KDELR2: variants seen among roughly 807,000 people sequenced by gnomAD.
The protein encoded by KDELR2 is ER lumen protein-retaining receptor 2.
KDELR2 carries 15 observed loss-of-function variants against 23.9 expected under a neutral mutation model. That is an observed-to-expected ratio of 0.63 (90% confidence interval 0.42 to 0.97). KDELR2 has a LOEUF of 0.97. KDELR2 is among the 50% of genes least tolerant of loss of function. KDELR2 has a pLI of 0.00. For synonymous variants in KDELR2, 119 were observed against 106.2 expected (o/e 1.12, Z -0.74); for missense variants, 272 against 254.6 (o/e 1.07, Z -0.46).
At position 6,462,736 on chromosome 7, in the gene KDELR2, T is replaced by C. The variant is rs6796; in HGVS notation, c.*405A>G. ...TGCAAGTTTGAGGGATGGAAGAATA[T>C]ATAATCTATCAACTGTCAAGGAGTA... is the stretch of plus-strand genomic sequence containing the variant. On this transcript the variant is annotated 3_prime_UTR_variant, in exon 5 of 5. Transcript: ENST00000258739. 0.29 allele frequency: 119,718 copies of C among 408,678 alleles called. 18,346 individuals carry two copies. The highest frequency in any genetic ancestry group is 0.4 in the East Asian group (9,841 of 24,480). 25.3% of individuals were successfully genotyped at this position (408,678 alleles called of 1,614,324 possible).
chr7:6,462,703 T>C lies in KDELR2; in HGVS notation c.*438A>G, dbSNP rs1016076334. The C allele has an allele frequency of 3.1e-5, 10 of 327,314 alleles. No homozygotes were observed. Among genetic ancestry groups the C allele is most frequent in the Non-Finnish European group, 5.0e-5 (9 of 180,936 alleles). 20.3% of individuals were successfully genotyped at this position (327,314 alleles called of 1,614,324 possible). ...CTCATCTTTTGCCAAAAAATAAATA[T>C]AGTGGAATGCAAGTTTGAGGGATGG... On this transcript the variant is annotated 3_prime_UTR_variant, in exon 5 of 5. Transcript: ENST00000258739.
At chr7:6,475,074 T>G (rs114046951) in intron 1 of KDELR2, among the ~76,000 whole-genome samples, 245 of 152,314 alleles carry the variant, frequency 1.6e-3, no homozygotes, top group African/African-American at 5.7e-3. Flanking sequence ...GAACTCCCGC[T>G]GGAATAATGG....
chr7:6,472,568 C>A (rs1785671729), intron 2 of KDELR2, among the ~76,000 whole-genome samples: 1 of 152,134 alleles, frequency 6.6e-6, no homozygotes, highest in African/African-American at 2.4e-5. Context: ...TAAGTAAGCT[C>A]ATTATTTCCT....
rs933296241 is a variant in KDELR2, at chr7:6,466,001, G to A, written c.604+70C>T. On this transcript the variant is annotated intron_variant, in intron 4 of 4. Transcript: ENST00000258739. ...TTTATGAGAGAGTGCCAGATTAGAA[G>A]AGTGCTGGGCAAGGGCACTCCTAAA... The A allele has an allele frequency of 2.5e-5, 38 of 1,521,260 alleles. No individual in the cohort carries two copies. The African/African-American group carries it at 4.0e-4, about 16-fold the overall frequency. 94.2% of individuals were successfully genotyped at this position (1,521,260 alleles called of 1,614,324 possible).
At chr7:6,474,090 C>G (rs1003945694) in intron 2 of KDELR2, 94 bp downstream of exon 2, 33 of 753,486 alleles carry the variant, frequency 4.4e-5, no homozygotes, top group Non-Finnish European at 7.1e-5. Flanking sequence ...ATTTTTGGAG[C>G]ATTTTAATTA....
intron 1 of KDELR2, among the ~76,000 whole-genome samples, chr7:6,481,969 GTTTATTTATTTATTTATTTATTTA>G (rs66801708): frequency 0.66 from 96,854 of 147,292 alleles, 32,061 homozygotes; most frequent in Non-Finnish European, 0.68. Flanking sequence ...TCCTAAGGTC[GTTTATTTATTTATTTATTTATTTA>G]TTTATTTATT....
At chr7:6,463,829 G>A (rs1785439426) in intron 4 of KDELR2, among the ~76,000 whole-genome samples, 1 of 151,504 alleles carries the variant, frequency 6.6e-6, no homozygotes, top group Admixed American at 6.6e-5. Flanking sequence ...GGGAGGCAGA[G>A]GTGGGCGGAT....
Position 6,466,102 on chromosome 7 carries a change from G to T in KDELR2, c.573C>A (p.Tyr191Ter). The T allele has an allele frequency of 6.2e-7, 1 of 1,614,144 alleles. No individual in the cohort carries two copies. The highest frequency in any genetic ancestry group is 1.7e-5 in the Admixed American group (1 of 60,016). Residue 191 changes from tyrosine (Y) to a stop codon, truncating the protein, a stop_gained, in exon 4 of 5, where the codon TAC becomes TAA. Transcript: ENST00000258739. LOFTEE classifies it high-confidence loss of function. Reference protein sequence around the residue: ...VVAGVVQTILYCDFFYLYITK... With the variant: ...VVAGVVQTIL ...TAATGTACAAGTAGAAGAAGTCACA[G>T]TATAGGATGGTCTGGACTACGCCGG...
intron 2 of KDELR2, 91 bp from the exon 3 acceptor site, chr7:6,469,845 G>T: frequency 2.7e-6 from 3 of 1,126,708 alleles, no homozygotes; most frequent in Non-Finnish European, 3.7e-6. Flanking sequence ...ATTTGGAAAG[G>T]CAAGATTTTT....
At chr7:6,468,918 G>A (rs747053708) in intron 3 of KDELR2, among the ~76,000 whole-genome samples, 9 of 151,988 alleles carry the variant, frequency 5.9e-5, no homozygotes, top group Non-Finnish European at 1.0e-4. Flanking sequence ...TGTGATTACA[G>A]GTGTGGTGAG....
At chr7:6,472,802 G>T (rs1785678375) in intron 2 of KDELR2, among the ~76,000 whole-genome samples, 1 of 151,684 alleles carries the variant, frequency 6.6e-6, no homozygotes, top group Non-Finnish European at 1.5e-5. Context: ...AAATGGCCTA[G>T]AATAGTGCCT....
chr7:6,471,142 T>C (rs988193643), intron 2 of KDELR2, among the ~76,000 whole-genome samples: 5 of 139,066 alleles, frequency 3.6e-5, no homozygotes, highest in Non-Finnish European at 7.7e-5. Context: ...AATAAATAAA[T>C]AAATAAATAA....
At chr7:6,468,416 G>A (rs1012205303) in intron 3 of KDELR2, among the ~76,000 whole-genome samples, 17 of 152,062 alleles carry the variant, frequency 1.1e-4, no homozygotes, top group Non-Finnish European at 1.9e-4. Flanking sequence ...TGCAACTTCC[G>A]CCTCCAGGTT....
chr7:6,475,184 T>G (rs1352903870), intron 1 of KDELR2, among the ~76,000 whole-genome samples: 1 of 152,172 alleles, frequency 6.6e-6, no homozygotes, highest in Non-Finnish European at 1.5e-5. Context: ...TGGTCATGCC[T>G]ATAATCTCCA....
chr7:6,463,987 G>A (rs542171038), intron 4 of KDELR2, among the ~76,000 whole-genome samples: 4 of 117,538 alleles, frequency 3.4e-5, no homozygotes, highest in South Asian at 5.1e-4. Flanking sequence ...ACCTGAGGTC[G>A]GGAGTTCGAG....
intron 3 of KDELR2, among the ~76,000 whole-genome samples, chr7:6,467,242 A>G (rs140988550): frequency 1.3e-5 from 2 of 152,324 alleles, no homozygotes; most frequent in East Asian, 3.9e-4. Flanking sequence ...CAATACTGAT[A>G]ATTGATAAGC....
intron 2 of KDELR2, 77 bp downstream of exon 2, chr7:6,474,107 C>T (rs1448588940): frequency 8.1e-6 from 7 of 860,636 alleles, no homozygotes; most frequent in Non-Finnish European, 1.3e-5. Context: ...ATTAAAAATA[C>T]ACAGCTGACA....
rs66801708 is a variant in KDELR2 at position 6,481,969 on chromosome 7, G to GTTTA, written c.91+1994_91+1997dup. Among the ~76,000 whole-genome samples, 498 of 147,356 alleles carry GTTTA rather than the reference G, an allele frequency of 3.4e-3. 3 individuals carry two copies. Among genetic ancestry groups the GTTTA allele is most frequent in the East Asian group, 0.016 (80 of 4,866 alleles). Reference sequence around the variant, plus strand: ...ACAATAGCACCTACCTCCTAAGGTCGTTTATTTATTTATTTATTTATTTAT... The same window carrying GTTTA: ...ACAATAGCACCTACCTCCTAAGGTCGTTTATTTATTTATTTATTTATTTATTTAT... On this transcript the variant is annotated intron_variant, in intron 1 of 4. Transcript: ENST00000258739.
intron 4 of KDELR2, among the ~76,000 whole-genome samples, chr7:6,464,764 T>G (rs1451755260): frequency 6.7e-6 from 1 of 149,978 alleles, no homozygotes; most frequent in Non-Finnish European, 1.5e-5. Context: ...AGACAGAGTT[T>G]TGCTCTTGTT....
Sources: gnomAD v4.1 joint callset for allele counts (sites outside exome capture counted in the v4.1 genomes callset) on GRCh38, gnomAD v4.1.1 for gene constraint, MANE v1.5 for transcripts, NCBI Gene and HGNC (gene_info 2026-07-23, HGNC 2026-07-21) for gene names.